Variants in TUT4 observed in about 807,000 individuals in gnomAD.
TUT4 encodes terminal uridylyltransferase 4.
In TUT4, 36 loss-of-function variants were observed where a neutral mutation model predicts 192.2. The ratio of observed to expected loss-of-function variants is 0.19; its 90% confidence interval spans 0.14 to 0.25. The LOEUF (loss-of-function observed/expected upper bound fraction) is 0.25, where lower values mean the gene tolerates loss of function less well. TUT4 is among the 10% of genes least tolerant of loss of function. The pLI, the probability that TUT4 is intolerant of heterozygous loss-of-function variation, is 1.00. For missense variants in TUT4, 1,493 were observed against 1,957.2 expected (o/e 0.76, Z 4.47); for synonymous variants, 618 against 666.0 (o/e 0.93, Z 1.11).
intron 1 of TUT4, among the ~76,000 whole-genome samples, chr1:52,542,980 C>T (rs889605307): frequency 3.3e-5 from 5 of 152,174 alleles, no homozygotes; most frequent in African/African-American, 1.2e-4. Flanking sequence ...GTCTCGAACT[C>T]CTGACCTCAG....
At position 52,468,273 on chromosome 1, in the gene TUT4, T is replaced by A. The variant is rs758515493; in HGVS notation, c.2879-6A>T. The A allele has an allele frequency of 1.3e-6, 2 of 1,565,190 alleles. No individual in the cohort carries two copies. Among genetic ancestry groups the A allele is most frequent in the South Asian group, 1.2e-5 (1 of 82,724 alleles). On this transcript the variant is annotated splice_polypyrimidine_tract_variant and splice_region_variant and intron_variant, in intron 14 of 29. Coordinates refer to ENST00000257177, the MANE Select transcript of TUT4 (RefSeq NM_001009881.3). The stretch of plus-strand genomic sequence containing the variant: ...ACAAGGTGGTGATAACTCATCTGGG[T>A]TTATAAAAAGAAGAAAAAAGGAAAA...
chr1:52,472,555 T>C (rs1666038899), intron 13 of TUT4, among the ~76,000 whole-genome samples: 1 of 150,434 alleles, frequency 6.6e-6, no homozygotes, highest in Admixed American at 6.6e-5. Flanking sequence ...AATTAATAAA[T>C]TAATTAAACT....
At chr1:52,432,328 G>GA (rs1407780831) in intron 27 of TUT4, 1 of 152,132 alleles carries the variant, frequency 6.6e-6, no homozygotes, top group Non-Finnish European at 1.5e-5. Flanking sequence ...AAGGGGAGAG[G>GA]AAGAGTGTTC....
intron 1 of TUT4, chr1:52,538,548 G>GA (rs904432622): frequency 2.7e-5 from 4 of 150,584 alleles, no homozygotes; most frequent in African/African-American, 9.8e-5. Flanking sequence ...TCAGGAGGCT[G>GA]AAGTGGGAGG....
At chr1:52,474,043 C>CA (rs1666471941) in intron 13 of TUT4, among the ~76,000 whole-genome samples, 1 of 151,866 alleles carries the variant, frequency 6.6e-6, no homozygotes, top group Non-Finnish European at 1.5e-5. Context: ...CCCATCTCTA[C>CA]AAAAAAATAC....
intron 16 of TUT4, chr1:52,463,062 C>T (rs936248734): frequency 4.5e-5 from 44 of 982,918 alleles, no homozygotes; most frequent in Middle Eastern, 5.2e-4. Context: ...TATTATTCAA[C>T]GATACAATTA....
intron 1 of TUT4, among the ~76,000 whole-genome samples, chr1:52,528,244 C>G (rs1474353895): frequency 6.6e-6 from 1 of 151,180 alleles, no homozygotes; most frequent in Non-Finnish European, 1.5e-5. Flanking sequence ...CCTGTAATCC[C>G]AACATTTTGG....
intron 20 of TUT4, among the ~76,000 whole-genome samples, chr1:52,450,878 T>C (rs1316210761): frequency 1.3e-5 from 2 of 152,126 alleles, no homozygotes; most frequent in African/African-American, 4.8e-5. Context: ...GGTCCATTTT[T>C]GTTAATCATA....
chr1:52,526,986 TGTACTCCAGCCTGGGCAACAA>T (rs1412866724), intron 1 of TUT4, among the ~76,000 whole-genome samples: 4 of 152,100 alleles, frequency 2.6e-5, no homozygotes, highest in Admixed American at 6.5e-5. Context: ...ATCATGCCAT[TGTACTCCAGCCTGGGCAACAA>T]GAAGGAACGA....
At chr1:52,437,266 A>T (rs967856924) in intron 25 of TUT4, 1 of 272,992 alleles carries the variant, frequency 3.7e-6, no homozygotes, top group Admixed American at 4.8e-5. Flanking sequence ...AAAGAAATTG[A>T]GGCTTAGAGA....
chr1:52,532,895 A>C (rs1683880285), intron 1 of TUT4, among the ~76,000 whole-genome samples: 1 of 152,182 alleles, frequency 6.6e-6, no homozygotes, highest in Admixed American at 6.5e-5. Flanking sequence ...TGGCCTTCTG[A>C]TAAAGTTCTC....
At chr1:52,486,900 A>C (rs1299431555) in intron 9 of TUT4, among the ~76,000 whole-genome samples, 1 of 152,182 alleles carries the variant, frequency 6.6e-6, no homozygotes, top group Non-Finnish European at 1.5e-5. Flanking sequence ...ATAATCTTCT[A>C]ACACAGACTA....
intron 16 of TUT4, among the ~76,000 whole-genome samples, chr1:52,464,552 C>A (rs1159009343): frequency 6.6e-6 from 1 of 152,164 alleles, no homozygotes; most frequent in Non-Finnish European, 1.5e-5. Context: ...CCACGCCCAG[C>A]CCTTAGCATA....
At chr1:52,424,109 A>G in intron 29 of TUT4, 107 bp from the exon 30 acceptor site, 4 of 1,138,860 alleles carry the variant, frequency 3.5e-6, no homozygotes, top group Non-Finnish European at 5.0e-6. Context: ...TTTATATAAT[A>G]GGAGGTGATA....
At position 52,481,874 on chromosome 1, in the gene TUT4, A is replaced by G. The variant is rs1668556780; in HGVS notation, c.1565T>C (p.Phe522Ser). ...QTDGGIPSYC[F>S]ALMVMFFLQQ... Reference sequence around the variant, plus strand: ...TAGAAAAAACATCACCATTAAAGCAAAACAGTAAGAAGGGATTCCACCATC... The same window carrying G: ...TAGAAAAAACATCACCATTAAAGCAGAACAGTAAGAAGGGATTCCACCATC... The change falls in exon 10 of 30, where the codon TTT becomes TCT. Residue 522 changes from phenylalanine to serine, a missense_variant. This residue lies in a region of TUT4 where 437 missense variants were observed against 577.6 expected (regional missense o/e 0.76). Coordinates refer to ENST00000257177, the MANE Select transcript of TUT4 (RefSeq NM_001009881.3). The G allele has an allele frequency of 6.3e-7, 1 of 1,598,586 alleles. No individual in the cohort carries two copies. The highest frequency in any genetic ancestry group is 8.5e-7 in the Non-Finnish European group (1 of 1,176,202).
intron 19 of TUT4, among the ~76,000 whole-genome samples, chr1:52,459,634 A>G (rs1661985101): frequency 6.6e-6 from 1 of 152,036 alleles, no homozygotes; most frequent in Non-Finnish European, 1.5e-5. Flanking sequence ...GCCTCTAATC[A>G]CAGCACTTTG....
chr1:52,492,971 A>T (rs1219803466), intron 7 of TUT4, among the ~76,000 whole-genome samples: 1 of 152,200 alleles, frequency 6.6e-6, no homozygotes, highest in Non-Finnish European at 1.5e-5. Context: ...TTCAGTAATG[A>T]CCTCATAATG....
chr1:52,528,717 T>C (rs1414056145), intron 1 of TUT4, among the ~76,000 whole-genome samples: 1 of 152,094 alleles, frequency 6.6e-6, no homozygotes, highest in Non-Finnish European at 1.5e-5. Context: ...AACATCTCTA[T>C]CATATAACTT....
chr1:52,444,738 T>C (rs1411974411), intron 24 of TUT4, among the ~76,000 whole-genome samples: 1 of 151,020 alleles, frequency 6.6e-6, no homozygotes, highest in East Asian at 1.9e-4. Flanking sequence ...TCAGCCTACA[T>C]CTTTCTCCTG....
Sources: allele counts gnomAD v4.1 joint callset (sites outside exome capture counted in the v4.1 genomes callset), GRCh38; gene constraint gnomAD v4.1.1; regional missense constraint gnomAD v4.1.1; transcripts MANE v1.5; gene names NCBI Gene and HGNC (gene_info 2026-07-23, HGNC 2026-07-21).